SPG11: variants seen among roughly 807,000 people sequenced by gnomAD.
SPG11 encodes SPG11 vesicle trafficking associated, spatacsin.
A neutral mutation model predicts 274.0 loss-of-function variants in SPG11; 222 were observed. The ratio of observed to expected loss-of-function variants is 0.81; its 90% CI spans 0.73 to 0.91. The LOEUF (loss-of-function observed/expected upper bound fraction) is 0.91, where lower values mean the gene tolerates loss of function less well. SPG11 is among the 40% of genes least tolerant of loss of function. The pLI, the probability that SPG11 is intolerant of heterozygous loss-of-function variation, is 0.00. For missense variants in SPG11, 3,114 were observed against 2,872.7 expected (o/e 1.08, Z -1.92); for synonymous variants, 1,144 against 1,039.7 (o/e 1.10, Z -1.93).
chr15:44,611,784 T>C (rs866211464), intron 17 of SPG11, among the ~76,000 whole-genome samples: 2 of 151,254 alleles, frequency 1.3e-5, no homozygotes, highest in Non-Finnish European at 2.9e-5. Flanking sequence ...TGAAATATTA[T>C]GTAAACATTT....
At chr15:44,630,284 G>C (rs116790245) in intron 8 of SPG11, among the ~76,000 whole-genome samples, 1 of 152,142 alleles carries the variant, frequency 6.6e-6, no homozygotes, top group Non-Finnish European at 1.5e-5. Context: ...ATGGGAAACG[G>C]GTTTTCCCCC....
rs1169081069 is a variant in SPG11 at position 44,651,484 on chromosome 15, G to A, written c.1456+7C>T. 6.2e-7 allele frequency: 1 copy of A among 1,611,920 alleles called. No homozygotes were observed. The highest frequency in any genetic ancestry group is 8.5e-7 in the Non-Finnish European group (1 of 1,178,204). On this transcript the variant is annotated splice_region_variant and intron_variant, in intron 6 of 39. Coordinates refer to ENST00000261866, the MANE Select transcript of SPG11 (RefSeq NM_025137.4). ...ATGGATTTCAATCTAATACAAGACA[G>A]TCTCACCTGTCAAAACAAAGCACAG...
chr15:44,632,074 G>A (rs2084081696), intron 8 of SPG11, among the ~76,000 whole-genome samples: 1 of 151,964 alleles, frequency 6.6e-6, no homozygotes, highest in South Asian at 2.1e-4. Context: ...CTCCCAAAGT[G>A]CTGGAATTAC....
chr15:44,635,616 A>G (rs1045865501), intron 7 of SPG11, among the ~76,000 whole-genome samples: 12 of 150,344 alleles, frequency 8.0e-5, no homozygotes, highest in Non-Finnish European at 1.5e-4. Context: ...AAAAAAAAAA[A>G]AAAAGAAAAA....
chr15:44,647,224 C>T (rs1011140750), intron 7 of SPG11, among the ~76,000 whole-genome samples: 10 of 152,078 alleles, frequency 6.6e-5, no homozygotes, highest in African/African-American at 2.2e-4. Context: ...CAATGAGATG[C>T]CATTTCATTT....
intron 3 of SPG11, among the ~76,000 whole-genome samples, chr15:44,658,113 C>T (rs770689287): frequency 3.9e-5 from 6 of 152,210 alleles, no homozygotes; most frequent in South Asian, 2.1e-4. Context: ...TAGCCACATA[C>T]GCTTAGTGCC....
chr15:44,629,822 A>G (rs1371686651), intron 8 of SPG11, among the ~76,000 whole-genome samples: 2 of 152,094 alleles, frequency 1.3e-5, no homozygotes, highest in East Asian at 1.9e-4. Flanking sequence ...TATAATCCCA[A>G]CACTTTGGGA....
intron 30 of SPG11, among the ~76,000 whole-genome samples, chr15:44,578,445 G>A (rs1238654589): frequency 6.6e-6 from 1 of 152,078 alleles, no homozygotes; most frequent in East Asian, 1.9e-4. Context: ...AATAGTCAGG[G>A]TAGTGCAAGA....
intron 30 of SPG11, among the ~76,000 whole-genome samples, chr15:44,581,947 C>A (rs1429746378): frequency 6.6e-6 from 1 of 152,016 alleles, no homozygotes; most frequent in Non-Finnish European, 1.5e-5. Flanking sequence ...AAATGGAAGA[C>A]TAAAAAATGT....
chr15:44,626,545 T>A (rs763829207), intron 10 of SPG11, 38 bp from the exon 11 acceptor site: 2 of 1,595,586 alleles, frequency 1.3e-6, no homozygotes, highest in South Asian at 2.2e-5. Flanking sequence ...AAGTTCTTTT[T>A]CATTTCCTTA....
At chr15:44,569,300 C>T (rs1199821845) in intron 35 of SPG11, 98 bp downstream of exon 35, 1 of 920,610 alleles carries the variant, frequency 1.1e-6, no homozygotes, top group Non-Finnish European at 1.7e-6. Flanking sequence ...TCCATTTTCC[C>T]AAGAGTCTAC....
intron 4 of SPG11, 105 bp from the exon 5 acceptor site, chr15:44,652,371 T>C (rs139888318): frequency 1.6e-6 from 2 of 1,223,066 alleles, no homozygotes; most frequent in Non-Finnish European, 1.2e-6. Flanking sequence ...GAAGGAATAG[T>C]ACAACAAATT....
At chr15:44,620,100 T>C (rs755854600) in intron 15 of SPG11, 90 bp downstream of exon 15, 8 of 1,000,610 alleles carry the variant, frequency 8.0e-6, no homozygotes, top group Admixed American at 1.8e-5. Context: ...ACTGGATTTA[T>C]GGCATTTCAA....
chr15:44,595,328 G>A lies in SPG11; in HGVS notation c.4566C>T (p.Val1522=), dbSNP rs781456883. ...DHTWNLEDLS[V]IWRTLLTRQK... is the part of the protein sequence containing the mutation. Reference sequence around the variant, plus strand: ...GTCTTGTTAATAATGTTCTCCAGATGACTGAAAGATCCTCAAGGTTCCAGG... The same window carrying A: ...GTCTTGTTAATAATGTTCTCCAGATAACTGAAAGATCCTCAAGGTTCCAGG... The change falls in exon 26 of 40, where the codon GTC becomes GTT. Residue 1522 remains valine, a synonymous_variant. Coordinates refer to ENST00000261866, the MANE Select transcript of SPG11 (RefSeq NM_025137.4). The A allele has an allele frequency of 6.2e-6, 10 of 1,614,198 alleles. No individual in the cohort carries two copies. In the South Asian group the frequency reaches 1.1e-4, roughly 18 times the overall value.
chr15:44,588,527 GAAA>G (rs762969883), intron 28 of SPG11: 20 of 194,728 alleles, frequency 1.0e-4, no homozygotes, highest in Admixed American at 8.1e-4. Flanking sequence ...ACTAATATAG[GAAA>G]AATTATATAA....
intron 17 of SPG11, among the ~76,000 whole-genome samples, chr15:44,612,332 A>G (rs559507593): frequency 1.3e-5 from 2 of 152,330 alleles, no homozygotes; most frequent in East Asian, 3.9e-4. Flanking sequence ...ATACATTAAA[A>G]TATTATCAGT....
chr15:44,651,244 T>A (rs1436855677), intron 6 of SPG11, among the ~76,000 whole-genome samples: 1 of 152,078 alleles, frequency 6.6e-6, no homozygotes, highest in African/African-American at 2.4e-5. Flanking sequence ...GGGTTAAAAA[T>A]AATAATAATA....
chr15:44,600,374 T>G (rs2083153652), intron 21 of SPG11, 93 bp downstream of exon 21: 2 of 1,405,274 alleles, frequency 1.4e-6, no homozygotes, highest in Admixed American at 3.4e-5. Flanking sequence ...TTCCTTGAAC[T>G]CCTGGGCTCA....
At chr15:44,634,444 T>A (rs990461856) in intron 7 of SPG11, among the ~76,000 whole-genome samples, 4 of 151,320 alleles carry the variant, frequency 2.6e-5, no homozygotes, top group Non-Finnish European at 5.9e-5. Flanking sequence ...CCAGCTGATT[T>A]TTTTTTTTTT....
Sources: gnomAD v4.1 joint callset for allele counts (sites outside exome capture counted in the v4.1 genomes callset) on GRCh38, gnomAD v4.1.1 for gene constraint, MANE v1.5 for transcripts, NCBI Gene and HGNC (gene_info 2026-07-23, HGNC 2026-07-21) for gene names.